MMP17: variants seen among roughly 807,000 people sequenced by gnomAD.
MMP17 encodes matrix metallopeptidase 17, also known as matrix metalloproteinase-17.
Under a neutral mutation model 49.1 loss-of-function variants are expected in MMP17, and 54 were observed. The observed-to-expected ratio is 1.10, with a 90% CI of 0.88 to 1.38. MMP17 has a LOEUF of 1.38. Among genes scored for constraint, MMP17 ranks in the 40% most tolerant of loss-of-function variants. The probability of loss-of-function intolerance (pLI) is 0.00; values close to 1 mark genes in which losing one functional copy is unlikely to be tolerated. For synonymous variants in MMP17, 397 were observed against 383.1 expected (o/e 1.04, Z -0.42); for missense variants, 837 against 853.7 (o/e 0.98, Z 0.24).
intron 8 of MMP17, 43 bp from the exon 9 acceptor site, chr12:131,849,759 G>C (rs558467638): frequency 1.3e-6 from 2 of 1,577,704 alleles, no homozygotes; most frequent in Non-Finnish European, 1.7e-6. Context: ...GCCCTTCGGG[G>C]TGGGGCCGAG....
At chr12:131,845,859 G>A (rs1887679211) in intron 8 of MMP17, among the ~76,000 whole-genome samples, 1 of 152,170 alleles carries the variant, frequency 6.6e-6, no homozygotes, top group Admixed American at 6.5e-5. Flanking sequence ...GGCAGGAGCA[G>A]CCCTGCCGAG....
Position 131,850,197 on chromosome 12 carries a change from C to T in MMP17, c.1462+138C>T, listed in dbSNP as rs970970206. The T allele has an allele frequency of 7.2e-6, 9 of 1,248,276 alleles. No individual in the cohort carries two copies. In the Admixed American group the frequency reaches 2.3e-4, roughly 32 times the overall value. The allele number at this position is 1,248,276 out of a possible 1,614,324, so 77.3% of individuals were successfully genotyped here. ...GTGGGCTCTGAGGGTCCCAGCCCCT[C>T]GCCTGGAGCTGCCGACCCTGCAGGC... On this transcript the variant is annotated intron_variant, in intron 9 of 9. Transcript: ENST00000360564.
At chr12:131,830,728 G>GCAGGGCTGGAGC (rs1468551189) in intron 1 of MMP17, among the ~76,000 whole-genome samples, 2 of 152,234 alleles carry the variant, frequency 1.3e-5, no homozygotes, top group Admixed American at 1.3e-4. Context: ...GCTGCACCCA[G>GCAGGGCTGGAGC]CAGGGCTGGA....
At chr12:131,838,058 G>A in intron 1 of MMP17, 137 bp from the exon 2 acceptor site, 7 of 1,113,882 alleles carry the variant, frequency 6.3e-6, no homozygotes, top group Non-Finnish European at 8.9e-6. Flanking sequence ...GCCCAGGGAA[G>A]AGACAAGAGG....
At chr12:131,838,771 G>A (rs369980808) in intron 3 of MMP17, 30 bp downstream of exon 3, 1 of 1,527,026 alleles carries the variant, frequency 6.5e-7, no homozygotes, top group Non-Finnish European at 8.8e-7. Flanking sequence ...GAGGAGCGGG[G>A]CCTCCGTGGA....
intron 1 of MMP17, among the ~76,000 whole-genome samples, chr12:131,829,208 C>T (rs7314389): frequency 0.029 from 4,372 of 152,340 alleles, 99 homozygotes; most frequent in African/African-American, 0.063. Flanking sequence ...GGACCTGGCC[C>T]TCAGCCTCCT....
At chr12:131,842,138 A>G (rs12366877) in intron 5 of MMP17, among the ~76,000 whole-genome samples, 33,654 of 152,152 alleles carry the variant, frequency 0.22, 4,224 homozygotes, top group South Asian at 0.36. Flanking sequence ...CACTTTACAG[A>G]TGAGAAAACT....
intron 5 of MMP17, among the ~76,000 whole-genome samples, chr12:131,843,004 CT>C (rs1182954787): frequency 6.0e-5 from 9 of 150,856 alleles, no homozygotes; most frequent in Non-Finnish European, 1.2e-4. Context: ...GTGTCTGGCT[CT>C]TTTTTTTTGA....
intron 1 of MMP17, among the ~76,000 whole-genome samples, chr12:131,830,162 G>A (rs1002968825): frequency 6.6e-6 from 1 of 152,256 alleles, no homozygotes; most frequent in South Asian, 2.1e-4. Flanking sequence ...ACCCCCGGCC[G>A]AGCCATGTTG....
chr12:131,850,823 C>A, intron 9 of MMP17, 102 bp from the exon 10 acceptor site: 6 of 896,696 alleles, frequency 6.7e-6, no homozygotes, highest in Non-Finnish European at 3.1e-6. Flanking sequence ...GAGCCCCTTC[C>A]GCTGCAGCCC....
chr12:131,848,687 T>C (rs911892428), intron 8 of MMP17, among the ~76,000 whole-genome samples: 16 of 152,104 alleles, frequency 1.1e-4, no homozygotes, highest in Non-Finnish European at 2.4e-4. Flanking sequence ...TCTGCCCCTC[T>C]GTGCCTGGCT....
intron 1 of MMP17, among the ~76,000 whole-genome samples, chr12:131,833,075 C>T (rs1479060062): frequency 1.3e-5 from 2 of 152,214 alleles, no homozygotes; most frequent in Non-Finnish European, 2.9e-5. Context: ...GATACATGTC[C>T]GAACTCCCTG....
At chr12:131,840,552 T>C in intron 3 of MMP17, 21 bp from the exon 4 acceptor site, 1 of 1,557,508 alleles carries the variant, frequency 6.4e-7, no homozygotes, top group Non-Finnish European at 8.7e-7. Context: ...TGACTCACTC[T>C]GGGCTGACCC....
Position 131,845,064 on chromosome 12 carries a change from TGTCCCGCGCTGCCCAGGCCCC to T in MMP17, c.969-52_969-32del, listed in dbSNP as rs1412845063. 35 of 1,478,378 alleles carry T rather than the reference TGTCCCGCGCTGCCCAGGCCCC, an allele frequency of 2.4e-5. No individual in the cohort carries two copies. The African/African-American group carries it at 4.4e-4, about 19-fold the overall frequency. 91.6% of individuals were successfully genotyped at this position (1,478,378 alleles called of 1,614,324 possible). On this transcript the variant is annotated intron_variant, in intron 6 of 9. Coordinates refer to ENST00000360564, the MANE Select transcript of MMP17 (RefSeq NM_016155.7). ...TCAGGGGCTCTGCCGCAGGATGCCC[TGTCCCGCGCTGCCCAGGCCCC>T]GCCTCCCAGCCCACCTGGCTCTCTC...
Position 131,844,052 on chromosome 12 carries a change from G to T in MMP17, c.939G>T (p.Pro313=). ...TAQPEEPPLL[P]EPPDNRSSAP... is the part of the protein sequence containing the mutation. ...AGCCCGAGGAGCCTCCCCTGCTGCC[G>T]GAGCCCCCAGACAACCGGTCCAGCG... The change falls in exon 6 of 10, where the codon CCG becomes CCT. Residue 313 remains proline (P), a synonymous_variant. Coordinates refer to ENST00000360564, the MANE Select transcript of MMP17 (RefSeq NM_016155.7). 6.4e-7 allele frequency: 1 copy of T among 1,568,246 alleles called. No individual in the cohort carries two copies.
In MMP17 at chr12:131,851,090, G is replaced by C; in HGVS notation, c.1628G>C (p.Arg543Pro). The change falls in exon 10 of 10, where the codon CGC becomes CCC. Residue 543 changes from arginine to proline, a missense_variant. Coordinates refer to ENST00000360564, the MANE Select transcript of MMP17 (RefSeq NM_016155.7). ...GGCGTGGACGCGGCAGAGGGGCCCC[G>C]CGCCCCTCCAGGACAACATGACCAG... ...AAGVDAAEGPRAPPGQHDQSR... is the reference protein window; with the variant it reads ...AAGVDAAEGPPAPPGQHDQSR... 6 of 1,602,746 alleles carry C rather than the reference G, an allele frequency of 3.7e-6. No homozygotes were observed. The highest frequency in any genetic ancestry group is 5.1e-6 in the Non-Finnish European group (6 of 1,175,268).
intron 8 of MMP17, among the ~76,000 whole-genome samples, chr12:131,848,858 G>T (rs565567016): frequency 6.6e-6 from 1 of 152,202 alleles, no homozygotes. Context: ...TGTGAAGGAC[G>T]CTGCTATGAG....
intron 1 of MMP17, among the ~76,000 whole-genome samples, chr12:131,835,524 G>A (rs903935232): frequency 5.3e-5 from 8 of 152,154 alleles, no homozygotes; most frequent in Admixed American, 4.6e-4. Flanking sequence ...GCCCCAAACC[G>A]CCACCGTGAA....
At position 131,850,008 on chromosome 12, in the gene MMP17, C is replaced by T. The variant is rs1208189825; in HGVS notation, c.1411C>T (p.Leu471=). The stretch of plus-strand genomic sequence containing the variant: ...CCCCGGCTACCCCGCCCAGAGCCCC[C>T]TGTGGAGGGGTGTCCCCAGCACGCT... ...MDPGYPAQSP[L]WRGVPSTLDD... Residue 471 remains leucine, a synonymous_variant, in exon 9 of 10, where the codon CTG becomes TTG. Transcript: ENST00000360564. 1.2e-6 allele frequency: 2 copies of T among 1,613,498 alleles called. No homozygotes were observed. The highest frequency in any genetic ancestry group is 4.5e-5 in the East Asian group (2 of 44,876).
Sources: allele counts gnomAD v4.1 joint callset (sites outside exome capture counted in the v4.1 genomes callset), GRCh38; gene constraint gnomAD v4.1.1; transcripts MANE v1.5; gene names NCBI Gene and HGNC (gene_info 2026-07-23, HGNC 2026-07-21).